The following PTPN14 variants were observed in gnomAD, a reference collection of about 807,000 sequenced individuals.
The protein encoded by PTPN14 is protein tyrosine phosphatase non-receptor type 14, also known as tyrosine-protein phosphatase non-receptor type 14.
Under a neutral mutation model 126.8 loss-of-function variants are expected in PTPN14, and 53 were observed. That is an observed-to-expected ratio of 0.42 (90% CI 0.34 to 0.53). The LOEUF (loss-of-function observed/expected upper bound fraction) is 0.53. PTPN14 is among the 20% of genes least tolerant of loss of function. The pLI is 0.08. For synonymous variants in PTPN14, 630 were observed against 599.3 expected, an observed-to-expected ratio of 1.05 and a Z score of -0.75; for missense variants, 1,257 against 1,552.9, an observed-to-expected ratio of 0.81 and a Z score of 3.20.
Position 214,534,164 on chromosome 1 carries a change from TTGA to T in PTPN14, c.-155+17016_-155+17018del, listed in dbSNP as rs1450996997. 7.2e-5 allele frequency among the ~76,000 whole-genome samples: 11 copies of T among 152,264 alleles called. No individual in the cohort carries two copies. In the East Asian group the frequency reaches 1.9e-3, roughly 27 times the overall value. ...GTGAGGAAAGTTGTAAACTTAAAGA[TTGA>T]TGATGCTGCTATAAGCTGATAGTTT... On this transcript the variant is annotated intron_variant, in intron 1 of 18. Coordinates refer to ENST00000366956, the MANE Select transcript of PTPN14 (RefSeq NM_005401.5).
At position 214,394,957 on chromosome 1, in the gene PTPN14, T is replaced by C. The variant is rs1658844246; in HGVS notation, c.788A>G (p.Asn263Ser). The C allele has an allele frequency of 6.2e-7, 1 of 1,613,590 alleles. No homozygotes were observed. The highest frequency in any genetic ancestry group is 8.5e-7 in the Non-Finnish European group (1 of 1,179,504). The change falls in exon 9 of 19, where the codon AAC becomes AGC. Residue 263 changes from asparagine to serine, a missense_variant. Asn to Ser is a conservative substitution (Grantham distance 46, BLOSUM62 1). Around this residue, in one of 3 missense-constraint regions of PTPN14, gnomAD observed 1,021 missense variants for 1,183.3 expected, o/e 0.86. Coordinates refer to ENST00000366956, the MANE Select transcript of PTPN14 (RefSeq NM_005401.5). Reference protein sequence around the residue: ...RWNDMGNITHNKSTILVELIN... With the variant: ...RWNDMGNITHSKSTILVELIN... ...GAGCTCCACTAGAATGGTCGACTTGTTATGAGTGATATTCCCCATGTCATT... is the reference window on the plus strand; with the variant it reads ...GAGCTCCACTAGAATGGTCGACTTGCTATGAGTGATATTCCCCATGTCATT...
chr1:214,520,063 A>ATATATATATATAT (rs1173435556), intron 1 of PTPN14, among the ~76,000 whole-genome samples: 2 of 78,092 alleles, frequency 2.6e-5, no homozygotes, highest in Admixed American at 1.3e-4. Context: ...AAAAAAAAAA[A>ATATATATATATAT]AAATATATAT....
chr1:214,477,018 G>T lies in PTPN14; in HGVS notation c.-154-12061C>A, dbSNP rs539035018. ...AGAGCAGAGAATTTTTAAAGTTAAG[G>T]CTGTTCATCACTAAGAGAAAAAATA... On this transcript the variant is annotated intron_variant, in intron 1 of 18. Transcript: ENST00000366956. Among the ~76,000 whole-genome samples, 6 of 152,280 alleles carry T rather than the reference G, an allele frequency of 3.9e-5. No homozygotes were observed. The East Asian group carries it at 1.2e-3, about 29-fold the overall frequency.
chr1:214,398,039 T>C (rs190096881), intron 7 of PTPN14, 38 bp from the exon 8 acceptor site: 2 of 1,468,600 alleles, frequency 1.4e-6, no homozygotes, highest in East Asian at 2.3e-5. Context: ...TGATGACCCA[T>C]GTTCACTGCA....
At chr1:214,409,680 C>T (rs1352164570) in intron 5 of PTPN14, among the ~76,000 whole-genome samples, 1 of 152,052 alleles carries the variant, frequency 6.6e-6, no homozygotes. Context: ...ACCTCCTTTA[C>T]TCCTCATGCT....
At chr1:214,401,559 T>C in intron 7 of PTPN14, 126 bp downstream of exon 7, 1 of 789,802 alleles carries the variant, frequency 1.3e-6, no homozygotes. Context: ...AAATTGGACT[T>C]GCCAACTAAG....
At position 214,349,754 on chromosome 1, in the gene PTPN14, T is replaced by C. The variant is rs1657667160; in HGVS notation, c.*8168A>G. 1.3e-5 allele frequency: 2 copies of C among 152,168 alleles called. No individual in the cohort carries two copies. The highest frequency in any genetic ancestry group is 2.1e-4 in the South Asian group (1 of 4,824). 9.4% of individuals were successfully genotyped at this position (152,168 alleles called of 1,614,324 possible). ...CAGAAAGGAGAAGGCTAATGAATTT[T>C]TAAGATTCCAAACAGTGGCAAGAAA... On this transcript the variant is annotated 3_prime_UTR_variant, in exon 19 of 19. Coordinates refer to ENST00000366956, the MANE Select transcript of PTPN14 (RefSeq NM_005401.5).
At chr1:214,448,397 ATTT>A (rs34637675) in intron 3 of PTPN14, among the ~76,000 whole-genome samples, 162 of 133,478 alleles carry the variant, frequency 1.2e-3, no homozygotes, top group African/African-American at 3.8e-3. Flanking sequence ...AGCCGGGCTA[ATTT>A]TTTTTTTTTT....
Position 214,408,078 on chromosome 1 carries a change from C to T in PTPN14, c.510+3606G>A, listed in dbSNP as rs148184492. Among the ~76,000 whole-genome samples the T allele has an allele frequency of 3.5e-3, 533 of 152,328 alleles. 3 individuals carry two copies. The highest frequency in any genetic ancestry group is 0.012 in the African/African-American group (510 of 41,574). On this transcript the variant is annotated intron_variant, in intron 5 of 18. Coordinates refer to ENST00000366956, the MANE Select transcript of PTPN14 (RefSeq NM_005401.5). ...CATGCCATTAGTCTTTCAGCCTTCC[C>T]TAATCCCCCAAGGGCATGTGACCTC...
chr1:214,504,173 C>T (rs1654774921), intron 1 of PTPN14, among the ~76,000 whole-genome samples: 1 of 152,132 alleles, frequency 6.6e-6, no homozygotes, highest in African/African-American at 2.4e-5. Context: ...GAACAACTGC[C>T]GCTGCCTCTC....
chr1:214,386,733 G>A, intron 12 of PTPN14, 111 bp downstream of exon 12: 1 of 1,146,056 alleles, frequency 8.7e-7, no homozygotes, highest in Non-Finnish European at 1.3e-6. Flanking sequence ...TTCAGACGAT[G>A]ACAAAGTTGA....
At chr1:214,459,530 C>T (rs1346397464) in intron 2 of PTPN14, among the ~76,000 whole-genome samples, 4 of 141,304 alleles carry the variant, frequency 2.8e-5, no homozygotes, top group African/African-American at 5.4e-5. Context: ...AGTGCAGTGG[C>T]GCGATCTTGG....
At chr1:214,548,872 C>T (rs1656036733) in intron 1 of PTPN14, among the ~76,000 whole-genome samples, 1 of 152,222 alleles carries the variant, frequency 6.6e-6, no homozygotes, top group Admixed American at 6.5e-5. Context: ...TCTATTACAG[C>T]TACCAGCATG....
Position 214,401,772 on chromosome 1 carries a change from A to G in PTPN14, c.582T>C (p.Ser194=), listed in dbSNP as rs1349998572. The part of the protein sequence containing the change: ...QKVAQEHKAH[S]GILPAEAELM... ...GTTCAGCTTCTGCTGGCAGGATTCCACTAAAATCAAAATAGCATCAAAGGA... is the reference window on the plus strand; with the variant it reads ...GTTCAGCTTCTGCTGGCAGGATTCCGCTAAAATCAAAATAGCATCAAAGGA... Residue 194 remains serine, a splice_region_variant and synonymous_variant, in exon 7 of 19, where the codon AGT becomes AGC. Transcript: ENST00000366956. 4 of 1,570,756 alleles carry G rather than the reference A, an allele frequency of 2.5e-6. No individual in the cohort carries two copies. The highest frequency in any genetic ancestry group is 3.5e-6 in the Non-Finnish European group (4 of 1,142,888).
At chr1:214,377,774 T>C (rs1035066162) in intron 14 of PTPN14, among the ~76,000 whole-genome samples, 185 bp downstream of exon 14, 2 of 152,148 alleles carry the variant, frequency 1.3e-5, no homozygotes, top group African/African-American at 2.4e-5. Flanking sequence ...AAGACCGGAA[T>C]GGAGAAACAT....
At chr1:214,395,983 T>C (rs1028342231) in intron 8 of PTPN14, among the ~76,000 whole-genome samples, 2 of 152,074 alleles carry the variant, frequency 1.3e-5, no homozygotes, top group African/African-American at 4.8e-5. Context: ...TGCATTATAA[T>C]TTTTACTTCT....
intron 1 of PTPN14, among the ~76,000 whole-genome samples, chr1:214,467,702 G>A (rs1233243254): frequency 1.3e-5 from 2 of 152,104 alleles, no homozygotes; most frequent in African/African-American, 4.8e-5. Context: ...TATTATTTTT[G>A]TAAATAAAGA....
At chr1:214,408,120 T>C (rs568140026) in intron 5 of PTPN14, among the ~76,000 whole-genome samples, 16 of 152,348 alleles carry the variant, frequency 1.1e-4, no homozygotes, top group African/African-American at 2.9e-4. Flanking sequence ...TATAAAATTT[T>C]GATCACACTT....
chr1:214,403,347 G>C (rs983437932), intron 5 of PTPN14, among the ~76,000 whole-genome samples: 1 of 152,310 alleles, frequency 6.6e-6, no homozygotes, highest in South Asian at 2.1e-4. Context: ...CCCTTCAAAA[G>C]TTGAGCCTAG....
Sources: gnomAD v4.1 joint callset for allele counts (sites outside exome capture counted in the v4.1 genomes callset) on GRCh38, gnomAD v4.1.1 for gene constraint, gnomAD v4.1.1 regional missense constraint, MANE v1.5 for transcripts, NCBI Gene and HGNC (gene_info 2026-07-23, HGNC 2026-07-21) for gene names.